TMPRSS11D: variants seen among roughly 807,000 people sequenced by gnomAD.
The protein encoded by TMPRSS11D is transmembrane protease serine 11D.
In TMPRSS11D, 32 loss-of-function variants were observed where a neutral mutation model predicts 44.4. The observed-to-expected ratio is 0.72, with a 90% confidence interval of 0.54 to 0.97. The LOEUF (loss-of-function observed/expected upper bound fraction) is 0.97. TMPRSS11D is among the 50% of genes least tolerant of loss of function. The pLI is 0.00. For synonymous variants in TMPRSS11D, 179 were observed against 177.9 expected (o/e 1.01, Z -0.05); for missense variants, 446 against 502.6 (o/e 0.89, Z 1.08).
intron 1 of TMPRSS11D, among the ~76,000 whole-genome samples, chr4:67,875,024 C>G (rs531944414): frequency 6.6e-6 from 1 of 152,180 alleles, no homozygotes; most frequent in South Asian, 2.1e-4. Context: ...CAACATCTTG[C>G]ATTCAATCCC....
chr4:67,876,284 T>A (rs1201068622), intron 1 of TMPRSS11D, among the ~76,000 whole-genome samples: 2 of 152,054 alleles, frequency 1.3e-5, no homozygotes, highest in East Asian at 1.9e-4. Context: ...CCTCAGAGGG[T>A]TTTGAAGATT....
intron 7 of TMPRSS11D, 146 bp downstream of exon 7, chr4:67,833,058 T>G: frequency 1.3e-6 from 1 of 742,066 alleles, no homozygotes; most frequent in Non-Finnish European, 1.9e-6. Context: ...AAAAATCCTT[T>G]TCCTTTCATG....
intron 1 of TMPRSS11D, among the ~76,000 whole-genome samples, chr4:67,872,702 C>G (rs972945988): frequency 8.5e-5 from 13 of 152,084 alleles, no homozygotes; most frequent in Non-Finnish European, 2.9e-5. Context: ...GCGTAATTGA[C>G]AATGAGGGTG....
At chr4:67,833,829 A>G (rs1718007151) in intron 6 of TMPRSS11D, among the ~76,000 whole-genome samples, 1 of 152,156 alleles carries the variant, frequency 6.6e-6, no homozygotes, top group Non-Finnish European at 1.5e-5. Flanking sequence ...TCATGGGACA[A>G]ATCTAAAGCT....
intron 6 of TMPRSS11D, 32 bp from the exon 7 acceptor site, chr4:67,833,413 G>A (rs765883802): frequency 7.2e-7 from 1 of 1,398,448 alleles, no homozygotes; most frequent in Non-Finnish European, 9.4e-7. Flanking sequence ...GTGCTGGGAA[G>A]ATCATGATTC....
At chr4:67,848,637 C>T (rs1327900247) in intron 3 of TMPRSS11D, among the ~76,000 whole-genome samples, 1 of 152,126 alleles carries the variant, frequency 6.6e-6, no homozygotes, top group Admixed American at 6.5e-5. Context: ...GCTTATTGAG[C>T]TGAGATTGTC....
At chr4:67,869,843 A>C (rs1442524238) in intron 1 of TMPRSS11D, among the ~76,000 whole-genome samples, 1 of 152,260 alleles carries the variant, frequency 6.6e-6, no homozygotes. Context: ...TGGTATAATG[A>C]GACCAAGGTC....
chr4:67,831,166 TA>T, intron 7 of TMPRSS11D, among the ~76,000 whole-genome samples: 1 of 152,090 alleles, frequency 6.6e-6, no homozygotes, highest in East Asian at 1.9e-4. Flanking sequence ...GGACAACTGT[TA>T]AAGGCAGATA....
chr4:67,852,366 G>C (rs926560672), intron 3 of TMPRSS11D, among the ~76,000 whole-genome samples: 3 of 152,058 alleles, frequency 2.0e-5, no homozygotes, highest in Non-Finnish European at 4.4e-5. Flanking sequence ...GCACTGGCAG[G>C]CTTGTTAAAA....
intron 9 of TMPRSS11D, 110 bp downstream of exon 9, chr4:67,825,622 C>G: frequency 1.7e-6 from 2 of 1,150,538 alleles, no homozygotes; most frequent in Non-Finnish European, 2.3e-6. Context: ...TTTAGAGGAA[C>G]AGGGCTGTGT....
chr4:67,881,361 C>A (rs758869162), intron 1 of TMPRSS11D, among the ~76,000 whole-genome samples: 1 of 152,102 alleles, frequency 6.6e-6, no homozygotes. Flanking sequence ...TATATAATCC[C>A]AGATGACTGA....
chr4:67,866,314 C>A (rs190020521), intron 1 of TMPRSS11D, among the ~76,000 whole-genome samples: 1 of 151,574 alleles, frequency 6.6e-6, no homozygotes, highest in East Asian at 1.9e-4. Context: ...TGATAAAAAC[C>A]CTTACAAACT....
intron 7 of TMPRSS11D, among the ~76,000 whole-genome samples, chr4:67,831,682 T>C (rs975382147): frequency 1.3e-5 from 2 of 152,172 alleles, no homozygotes; most frequent in Non-Finnish European, 2.9e-5. Context: ...TTCTGCTTTT[T>C]GGCCTTTCAA....
In TMPRSS11D at chr4:67,834,949, A is replaced by G. The variant is rs185460022; in HGVS notation, c.514+134T>C. ...TTGGGATCAGCACTGTCTTGTTTCA[A>G]CACCACCTGAGCGAACTAAGAACAA... On this transcript the variant is annotated intron_variant, in intron 6 of 9. Transcript: ENST00000283916. The G allele has an allele frequency of 5.1e-3, 3,959 of 774,764 alleles. 15 individuals are homozygous for G. Among genetic ancestry groups the G allele is most frequent in the Admixed American group, 7.0e-3 (331 of 47,014 alleles). The allele number at this position is 774,764 out of a possible 1,614,324, so 48.0% of individuals were successfully genotyped here. A position where few individuals can be genotyped will look rare whatever the true frequency, so the allele number is the denominator to read the frequency against.
At chr4:67,827,843 C>A (rs1560536590) in intron 7 of TMPRSS11D, among the ~76,000 whole-genome samples, 1 of 151,956 alleles carries the variant, frequency 6.6e-6, no homozygotes, top group Non-Finnish European at 1.5e-5. Flanking sequence ...TTTGTCCATA[C>A]CTCCCTTCCC....
chr4:67,863,073 A>T (rs1436665081), intron 1 of TMPRSS11D, among the ~76,000 whole-genome samples: 2 of 150,260 alleles, frequency 1.3e-5, no homozygotes, highest in African/African-American at 2.4e-5. Context: ...ATAATAATAA[A>T]AAAATAAAAA....
chr4:67,877,040 G>A (rs543007342), intron 1 of TMPRSS11D, among the ~76,000 whole-genome samples: 2 of 152,236 alleles, frequency 1.3e-5, no homozygotes, highest in Admixed American at 1.3e-4. Flanking sequence ...GGTAGGTGAC[G>A]GAGGAAACAA....
Position 67,822,396 on chromosome 4 carries a change from C to T in TMPRSS11D, c.1198G>A (p.Gly400Arg), listed in dbSNP as rs770826030. ...GDQCGLPDKP[G>R]VYTRVTAYLD... Reference sequence around the variant, plus strand: ...TAGGCTGTCACTCGAGTATACACTCCTGGCTTATCCGGCAGGCCACACTGA... The same window carrying T: ...TAGGCTGTCACTCGAGTATACACTCTTGGCTTATCCGGCAGGCCACACTGA... Residue 400 changes from glycine to arginine, a missense_variant, in exon 10 of 10, where the codon GGA (glycine) becomes AGA (arginine). Coordinates refer to ENST00000283916, the MANE Select transcript of TMPRSS11D (RefSeq NM_004262.3). 2 of 1,613,816 alleles carry T rather than the reference C, an allele frequency of 1.2e-6. No homozygotes were observed. Among genetic ancestry groups the T allele is most frequent in the Non-Finnish European group, 1.7e-6 (2 of 1,179,884 alleles).
At position 67,827,399 on chromosome 4, in the gene TMPRSS11D, C is replaced by G; in HGVS notation, c.814G>C (p.Asp272His). 1 of 1,613,232 alleles carries G rather than the reference C, an allele frequency of 6.2e-7. No individual in the cohort carries two copies. The highest frequency in any genetic ancestry group is 8.5e-7 in the Non-Finnish European group (1 of 1,179,562). The change falls in exon 8 of 10, where the codon GAC (aspartate) becomes CAC (histidine). Residue 272 changes from aspartate (D) to histidine (H), a missense_variant. Coordinates refer to ENST00000283916, the MANE Select transcript of TMPRSS11D (RefSeq NM_004262.3). ...NNYKSATHEN[D>H]IALVRLENSV... Reference sequence around the variant, plus strand: ...TTCTCAAGTCTCACAAGTGCAATGTCATTTTCATGAGTTGCAGATTTATAA... The same window carrying G: ...TTCTCAAGTCTCACAAGTGCAATGTGATTTTCATGAGTTGCAGATTTATAA...
Sources: gnomAD v4.1 joint callset for allele counts (sites outside exome capture counted in the v4.1 genomes callset) on GRCh38, gnomAD v4.1.1 for gene constraint, MANE v1.5 for transcripts, NCBI Gene and HGNC (gene_info 2026-07-23, HGNC 2026-07-21) for gene names.